Variants in ZNF608 observed in about 807,000 individuals in gnomAD.
The protein encoded by ZNF608 is renal carcinoma antigen NY-REN-36.
Under a neutral mutation model 109.0 loss-of-function variants are expected in ZNF608, and 12 were observed. That is an observed-to-expected ratio of 0.11 (90% CI 0.07 to 0.18). The LOEUF (loss-of-function observed/expected upper bound fraction) is 0.18, where lower values mean the gene tolerates loss of function less well. ZNF608 is among the 10% of genes least tolerant of loss of function. The probability of loss-of-function intolerance (pLI) is 1.00; values close to 1 mark genes in which losing one functional copy is unlikely to be tolerated. For synonymous variants in ZNF608, 732 were observed against 717.4 expected (o/e 1.02, Z -0.33); for missense variants, 1,707 against 1,879.3 (o/e 0.91, Z 1.70).
chr5:124,730,598 T>C (rs1292186799), intron 2 of ZNF608, among the ~76,000 whole-genome samples: 2 of 152,234 alleles, frequency 1.3e-5, no homozygotes, highest in East Asian at 1.9e-4. Flanking sequence ...AAGCCTTTAA[T>C]GTGAGCTAAG....
At position 124,648,094 on chromosome 5, in the gene ZNF608, T is replaced by C. The variant is rs1231724238; in HGVS notation, c.2290A>G (p.Thr764Ala). Residue 764 changes from threonine to alanine, a missense_variant, in exon 5 of 10, where the codon ACA becomes GCA. Around this residue, in one of 7 missense-constraint regions of ZNF608, gnomAD observed 1,073 missense variants for 1,133.5 expected, o/e 0.95. Transcript: ENST00000513986. ...GTGAGGGAGGGCAGTCCGGGTATTG[T>C]CCCAGTGGTGGTCGTTGTAAAGGTT... ...TATFTTTTTG[T>A]IPGLPSLTTT... The C allele has an allele frequency of 1.6e-5, 26 of 1,610,312 alleles. No individual in the cohort carries two copies. Among genetic ancestry groups the C allele is most frequent in the Non-Finnish European group, 2.0e-5 (23 of 1,178,700 alleles).
chr5:124,672,458 G>A (rs988472041), intron 3 of ZNF608, among the ~76,000 whole-genome samples: 2 of 152,158 alleles, frequency 1.3e-5, no homozygotes, highest in South Asian at 2.1e-4. Flanking sequence ...TAAGTTGACT[G>A]GGAAACAGGA....
chr5:124,651,761 C>T (rs1043034586), intron 3 of ZNF608, among the ~76,000 whole-genome samples: 1 of 152,246 alleles, frequency 6.6e-6, no homozygotes, highest in Non-Finnish European at 1.5e-5. Flanking sequence ...CGAGCACTCG[C>T]GTCTGATTGG....
chr5:124,664,766 A>T (rs565346269), intron 3 of ZNF608, among the ~76,000 whole-genome samples: 2 of 152,196 alleles, frequency 1.3e-5, no homozygotes, highest in Non-Finnish European at 2.9e-5. Context: ...TAAATAACAC[A>T]GTGTCATGAA....
At chr5:124,646,302 G>C (rs1163413991) in intron 5 of ZNF608, among the ~76,000 whole-genome samples, 3 of 152,166 alleles carry the variant, frequency 2.0e-5, no homozygotes, top group Admixed American at 6.5e-5. Flanking sequence ...AGGTTGCAGA[G>C]AGCCAAGATT....
intron 8 of ZNF608, among the ~76,000 whole-genome samples, chr5:124,640,690 G>A (rs1750198939): frequency 6.6e-6 from 1 of 152,232 alleles, no homozygotes; most frequent in Admixed American, 6.5e-5. Flanking sequence ...ACTACAAGGT[G>A]AAGATTCCCT....
chr5:124,647,475 G>A lies in ZNF608; in HGVS notation c.2909C>T (p.Ser970Phe), dbSNP rs1228012245. ...CCCTTTTACAACACTGTCCTTACTA[G>A]AAATAATATCTGATGGGGAACTGGC... ...SKASSPSDII[S>F]SKDSVVKGHS... Residue 970 changes from serine to phenylalanine, a missense_variant, in exon 5 of 10, where the codon TCT (serine) becomes TTT (phenylalanine). Ser to Phe is a radical substitution (Grantham distance 155). Transcript: ENST00000513986. 1 of 1,614,222 alleles carries A rather than the reference G, an allele frequency of 6.2e-7. No homozygotes were observed. The highest frequency in any genetic ancestry group is 8.5e-7 in the Non-Finnish European group (1 of 1,180,044).
Position 124,648,165 on chromosome 5 carries a change from G to A in ZNF608, c.2219C>T (p.Pro740Leu), listed in dbSNP as rs764132518. Residue 740 changes from proline (P) to leucine (L), a missense_variant, in exon 5 of 10, where the codon CCT becomes CTT. By Grantham distance (98) the Pro-to-Leu change is moderately conservative. Coordinates refer to ENST00000513986, the MANE Select transcript of ZNF608 (RefSeq NM_020747.3). ...CTGCGGGGGAGTGGGGGCTGGGGCAGGGGCAATGGGCCGGGCACTTTTCAG... is the reference window on the plus strand; with the variant it reads ...CTGCGGGGGAGTGGGGGCTGGGGCAAGGGCAATGGGCCGGGCACTTTTCAG... ...SKLKSARPIA[P>L]APAPTPPQLI... 1 of 1,613,154 alleles carries A rather than the reference G, an allele frequency of 6.2e-7. No homozygotes were observed. Among genetic ancestry groups the A allele is most frequent in the Non-Finnish European group, 8.5e-7 (1 of 1,179,650 alleles).
Position 124,653,289 on chromosome 5 carries a change from G to A in ZNF608, c.1163-3592C>T, listed in dbSNP as rs1010382403. Among the ~76,000 whole-genome samples, 10 of 152,258 alleles carry A rather than the reference G, an allele frequency of 6.6e-5. 1 individual carries two copies. The highest frequency in any genetic ancestry group is 5.2e-4 in the Admixed American group (8 of 15,296). ...ACAAGGTCTTTATTATATAACCTGA[G>A]CCTGTTACTTCCTCAAGCCAAAAAA... is the stretch of plus-strand genomic sequence containing the variant. On this transcript the variant is annotated intron_variant, in intron 3 of 9. Transcript: ENST00000513986.
At position 124,701,479 on chromosome 5, in the gene ZNF608, G is replaced by A. The variant is rs113111684; in HGVS notation, c.907-210C>T. Among the ~76,000 whole-genome samples the A allele has an allele frequency of 3.9e-3, 593 of 152,274 alleles. 1 individual carries two copies. Among genetic ancestry groups the A allele is most frequent in the Middle Eastern group, 0.01 (3 of 294 alleles). On this transcript the variant is annotated intron_variant, in intron 2 of 9. Transcript: ENST00000513986. ...TGCCAAATAAGCTAAACATGAGAGC[G>A]CTAGCTCCCTGAATCATAAGCAGGT...
chr5:124,662,438 G>A (rs911338151), intron 3 of ZNF608, among the ~76,000 whole-genome samples: 2 of 152,230 alleles, frequency 1.3e-5, no homozygotes, highest in Admixed American at 6.5e-5. Flanking sequence ...TTAGTGCTTC[G>A]CACTGGGGAC....
intron 2 of ZNF608, among the ~76,000 whole-genome samples, chr5:124,731,020 G>T (rs912859874): frequency 6.6e-6 from 1 of 152,194 alleles, no homozygotes; most frequent in Non-Finnish European, 1.5e-5. Context: ...ATTAAGAGAA[G>T]CCATGTTTAT....
intron 2 of ZNF608, among the ~76,000 whole-genome samples, chr5:124,708,230 A>G (rs1228827561): frequency 6.6e-6 from 1 of 152,246 alleles, no homozygotes; most frequent in East Asian, 1.9e-4. Context: ...GTCTTACCAC[A>G]TATAGTGTAG....
intron 3 of ZNF608, among the ~76,000 whole-genome samples, chr5:124,692,033 T>C (rs900576125): frequency 6.6e-5 from 10 of 152,240 alleles, no homozygotes; most frequent in Admixed American, 6.5e-4. Flanking sequence ...AAATGGCATG[T>C]ATTCCTTTTA....
chr5:124,639,020 A>G, intron 9 of ZNF608, 113 bp downstream of exon 9: 2 of 1,020,640 alleles, frequency 2.0e-6, no homozygotes, highest in South Asian at 3.0e-5. Context: ...ATTCATTACA[A>G]TGATATAAAA....
Position 124,644,582 on chromosome 5 carries a change from C to G in ZNF608, c.3785G>C (p.Arg1262Thr). Residue 1262 changes from arginine (R) to threonine (T), a missense_variant, in exon 6 of 10, where the codon AGA becomes ACA. By Grantham distance (71) the Arg-to-Thr change is moderately conservative (BLOSUM62 -1). Transcript: ENST00000513986. ...ACTATCCTCTTTTAATTTCTTCTCT[C>G]TATCAAGTTCTTCTGACTTTTGCTG... Reference protein sequence around the residue: ...LDQQKSEELDREKKLKEDSPR... With the variant: ...LDQQKSEELDTEKKLKEDSPR... 1 of 1,613,398 alleles carries G rather than the reference C, an allele frequency of 6.2e-7. No individual in the cohort carries two copies. Among genetic ancestry groups the G allele is most frequent in the East Asian group, 2.2e-5 (1 of 44,896 alleles).
At chr5:124,671,435 T>C (rs1444122038) in intron 3 of ZNF608, among the ~76,000 whole-genome samples, 1 of 152,164 alleles carries the variant, frequency 6.6e-6, no homozygotes, top group Non-Finnish European at 1.5e-5. Context: ...CCATTCCACA[T>C]TAAGTTTCTA....
At chr5:124,678,305 A>G (rs752063590) in intron 3 of ZNF608, among the ~76,000 whole-genome samples, 3 of 152,210 alleles carry the variant, frequency 2.0e-5, no homozygotes, top group Non-Finnish European at 4.4e-5. Context: ...AAAGGCCTCC[A>G]CTTTGGGACA....
chr5:124,732,154 A>T (rs1748937403), intron 2 of ZNF608, among the ~76,000 whole-genome samples: 1 of 152,220 alleles, frequency 6.6e-6, no homozygotes, highest in African/African-American at 2.4e-5. Flanking sequence ...CAGAACTTAA[A>T]GCTAGGAGAA....
Sources: gnomAD v4.1 joint callset for allele counts (sites outside exome capture counted in the v4.1 genomes callset) on GRCh38, gnomAD v4.1.1 for gene constraint, gnomAD v4.1.1 regional missense constraint, MANE v1.5 for transcripts, NCBI Gene and HGNC (gene_info 2026-07-23, HGNC 2026-07-21) for gene names.